Variants in CHAF1B observed in about 807,000 individuals in gnomAD.
The protein encoded by CHAF1B is CAF-1 subunit B.
In CHAF1B, 10 loss-of-function variants were observed where a neutral mutation model predicts 60.7. That is an observed-to-expected ratio of 0.16 (90% CI 0.10 to 0.28). The LOEUF (loss-of-function observed/expected upper bound fraction) is 0.28. Among genes scored for constraint, CHAF1B ranks in the 10% least tolerant of loss-of-function variants. The pLI is 1.00. For synonymous variants in CHAF1B, 261 were observed against 266.1 expected, an observed-to-expected ratio of 0.98 and a Z score of 0.19; for missense variants, 558 against 708.4, an observed-to-expected ratio of 0.79 and a Z score of 2.41.
At chr21:36,389,800 T>TGTGTGTGTGTGTGTGTGCGCGCGC in intron 3 of CHAF1B, among the ~76,000 whole-genome samples, 41 of 124,784 alleles carry the variant, frequency 3.3e-4, no homozygotes, top group Non-Finnish European at 4.1e-4. Context: ...TGTGTGTGTG[T>TGTGTGTGTGTGTGTGTGCGCGCGC]GCGCGCGCAC....
intron 6 of CHAF1B, chr21:36,398,113 T>C (rs148582663): frequency 0.031 from 4,651 of 151,480 alleles, 99 homozygotes; most frequent in Admixed American, 0.047. Flanking sequence ...AGTGCAGTGG[T>C]GCAATCACAG....
intron 3 of CHAF1B, 51 bp downstream of exon 3, chr21:36,387,781 T>G (rs760574559): frequency 5.6e-6 from 9 of 1,595,746 alleles, no homozygotes; most frequent in Middle Eastern, 1.7e-4. Flanking sequence ...TAGATACCTG[T>G]GTGTCTTGTG....
chr21:36,386,460 G>A (rs1601553764), intron 2 of CHAF1B, among the ~76,000 whole-genome samples, 198 bp downstream of exon 2: 1 of 152,008 alleles, frequency 6.6e-6, no homozygotes, highest in African/African-American at 2.4e-5. Flanking sequence ...AAAAAGTAGC[G>A]GGACGTGGCA....
intron 8 of CHAF1B, among the ~76,000 whole-genome samples, chr21:36,404,945 T>C (rs1456000954): frequency 1.3e-5 from 2 of 151,780 alleles, no homozygotes; most frequent in East Asian, 1.9e-4. Context: ...GGTTTCGCCA[T>C]GTTGGCCAGG....
chr21:36,396,089 C>G (rs1009499026), intron 5 of CHAF1B, among the ~76,000 whole-genome samples: 6 of 151,782 alleles, frequency 4.0e-5, no homozygotes, highest in Non-Finnish European at 7.4e-5. Flanking sequence ...CAACCTCTGC[C>G]TCCCGGGTTC....
chr21:36,411,673 G>C (rs2086279297), intron 11 of CHAF1B, 69 bp downstream of exon 11: 1 of 1,560,150 alleles, frequency 6.4e-7, no homozygotes, highest in Non-Finnish European at 8.8e-7. Context: ...ACACCCCGGG[G>C]TTAGGGAGCA....
intron 8 of CHAF1B, among the ~76,000 whole-genome samples, chr21:36,403,455 T>TAAAAAA (rs71326686): frequency 6.5e-5 from 5 of 77,466 alleles, no homozygotes; most frequent in Non-Finnish European, 1.3e-4. Context: ...ATATCTTATC[T>TAAAAAA]AAAAAAAAAA....
intron 2 of CHAF1B, among the ~76,000 whole-genome samples, chr21:36,386,642 T>A (rs1054425718): frequency 6.6e-5 from 10 of 152,004 alleles, no homozygotes; most frequent in Admixed American, 6.6e-4. Context: ...CAAACTAAAC[T>A]ACTTTGTCAT....
At chr21:36,387,393 T>A (rs80203452) in intron 2 of CHAF1B, among the ~76,000 whole-genome samples, 7,452 of 151,972 alleles carry the variant, frequency 0.049, 268 homozygotes, top group Non-Finnish European at 0.073. Context: ...GCTAATTTTT[T>A]AAATTTTCTG....
intron 2 of CHAF1B, 102 bp from the exon 3 acceptor site, chr21:36,387,496 C>T (rs2086044164): frequency 6.9e-7 from 1 of 1,442,404 alleles, no homozygotes; most frequent in Non-Finnish European, 9.5e-7. Flanking sequence ...GCTGGGATTA[C>T]AGTTGTGAGC....
At chr21:36,392,861 G>A (rs543775894) in intron 4 of CHAF1B, among the ~76,000 whole-genome samples, 1,584 of 152,296 alleles carry the variant, frequency 0.01, 27 homozygotes, top group African/African-American at 0.034. Flanking sequence ...CAAGGCAGGC[G>A]GCTGGGAGGT....
rs559981622 is a variant in CHAF1B at position 36,417,019 on chromosome 21, A to G, written c.*653A>G. 1.3e-5 allele frequency: 2 copies of G among 152,276 alleles called. No homozygotes were observed. The highest frequency in any genetic ancestry group is 3.9e-4 in the East Asian group (2 of 5,188). The allele number at this position is 152,276 out of a possible 1,614,324, so 9.4% of individuals were successfully genotyped here. ...GAATTGAGATTTTATTTCATATGCA[A>G]TTTGGTATCTAAATAGGTTAGTTTT... On this transcript the variant is annotated 3_prime_UTR_variant, in exon 14 of 14. Coordinates refer to ENST00000314103, the MANE Select transcript of CHAF1B (RefSeq NM_005441.3).
At chr21:36,398,652 G>A (rs933715681) in intron 6 of CHAF1B, among the ~76,000 whole-genome samples, 9 of 152,142 alleles carry the variant, frequency 5.9e-5, no homozygotes, top group African/African-American at 1.7e-4. Context: ...GAGCCACCTC[G>A]CCCAGCCCAG....
At chr21:36,395,547 G>A (rs944403343) in intron 5 of CHAF1B, among the ~76,000 whole-genome samples, 2 of 152,156 alleles carry the variant, frequency 1.3e-5, no homozygotes, top group Non-Finnish European at 2.9e-5. Context: ...TGACAGGCCC[G>A]GGCCCTGCCT....
intron 8 of CHAF1B, among the ~76,000 whole-genome samples, chr21:36,404,017 A>G (rs149876634): frequency 6.6e-6 from 1 of 152,258 alleles, no homozygotes; most frequent in African/African-American, 2.4e-5. Flanking sequence ...AAGTCTCAGG[A>G]CTAAGAATAA....
chr21:36,410,713 T>C (rs1601568259), intron 10 of CHAF1B, among the ~76,000 whole-genome samples: 1 of 150,264 alleles, frequency 6.7e-6, no homozygotes, highest in East Asian at 1.9e-4. Context: ...CAGGCTGGGG[T>C]GCAGTGGTAT....
At chr21:36,400,881 C>T (rs776517405) in intron 7 of CHAF1B, among the ~76,000 whole-genome samples, 22 of 152,128 alleles carry the variant, frequency 1.4e-4, no homozygotes, top group Non-Finnish European at 2.9e-4. Flanking sequence ...TGGCTTCACA[C>T]GGGGACATGG....
chr21:36,415,530 G>A (rs539407186), intron 13 of CHAF1B, 141 bp downstream of exon 13: 25 of 648,246 alleles, frequency 3.9e-5, no homozygotes, highest in Middle Eastern at 3.3e-4. Flanking sequence ...GTTTAAACCC[G>A]CCGGCTGCCT....
chr21:36,413,101 C>T lies in CHAF1B; in HGVS notation c.1279C>T (p.Pro427Ser), dbSNP rs989630220. Residue 427 changes from proline to serine, a missense_variant, in exon 12 of 14, where the codon CCC (proline) becomes TCC (serine). Pro to Ser is a moderately conservative substitution (Grantham distance 74, BLOSUM62 -1). This residue lies in a region of CHAF1B where 233 missense variants were observed against 214.9 expected (regional missense o/e 1.08). Coordinates refer to ENST00000314103, the MANE Select transcript of CHAF1B (RefSeq NM_005441.3). ...EGTPASRTQD[P>S]SSPGTTPPQA... is the part of the protein sequence containing the mutation. ...AACCCCTGCCAGCAGAACCCAAGACCCCAGCAGCCCCGGCACGACTCCCCC... is the reference window on the plus strand; with the variant it reads ...AACCCCTGCCAGCAGAACCCAAGACTCCAGCAGCCCCGGCACGACTCCCCC... 3 of 1,614,116 alleles carry T rather than the reference C, an allele frequency of 1.9e-6. No homozygotes were observed. The highest frequency in any genetic ancestry group is 2.5e-6 in the Non-Finnish European group (3 of 1,180,012).
Sources: gnomAD v4.1 joint callset for allele counts (sites outside exome capture counted in the v4.1 genomes callset) on GRCh38, gnomAD v4.1.1 for gene constraint, gnomAD v4.1.1 regional missense constraint, MANE v1.5 for transcripts, NCBI Gene and HGNC (gene_info 2026-07-23, HGNC 2026-07-21) for gene names.